Variants in CYLD observed in about 807,000 individuals in gnomAD.
CYLD encodes the protein ubiquitin carboxyl-terminal hydrolase CYLD.
In CYLD, 26 loss-of-function variants were observed where a neutral mutation model predicts 104.5. The observed-to-expected ratio is 0.25, with a 90% confidence interval of 0.18 to 0.35. The LOEUF is 0.35. Ranked by LOEUF, CYLD falls within the 10% of genes least tolerant of loss-of-function variation. The pLI is 1.00. For synonymous variants in CYLD, 385 were observed against 399.9 expected (o/e 0.96, Z 0.45); for missense variants, 703 against 1,136.1 (o/e 0.62, Z 5.48).
rs919679368 is a variant in CYLD at position 50,780,061 on chromosome 16, C to G, written c.1518+17C>G. On this transcript the variant is annotated intron_variant, in intron 9 of 18. Transcript: ENST00000427738. ...CTGGAACTGGTAATTTAACTTGACC[C>G]AAAAATTTCAATTTTTTTCTCTGTG... The G allele has an allele frequency of 6.2e-7, 1 of 1,613,430 alleles. No individual in the cohort carries two copies. Among genetic ancestry groups the G allele is most frequent in the Non-Finnish European group, 8.5e-7 (1 of 1,179,880 alleles).
Position 50,787,820 on chromosome 16 carries a change from T to C in CYLD, c.2076T>C (p.His692=), listed in dbSNP as rs973806298. The C allele has an allele frequency of 6.4e-7, 1 of 1,557,608 alleles. No homozygotes were observed. The highest frequency in any genetic ancestry group is 2.3e-5 in the East Asian group (1 of 44,336). ...PEEFLNILFH[H]ILRVEPLLKI... ...AATTCTTGAATATTCTGTTTCATCA[T>C]ATTTTAAGGGTAGAACCTTTGCTAA... Residue 692 remains histidine (H), a synonymous_variant, in exon 14 of 19, where the codon CAT becomes CAC. Coordinates refer to ENST00000427738, the MANE Select transcript of CYLD (RefSeq NM_001378743.1).
In CYLD at chr16:50,794,147, T is replaced by C; in HGVS notation, c.2470-65T>C. On this transcript the variant is annotated intron_variant, in intron 17 of 18. Coordinates refer to ENST00000427738, the MANE Select transcript of CYLD (RefSeq NM_001378743.1). This position sits in a 1 kb window ranked among gnomAD's most constrained non-coding sequence, Gnocchi z 4.1. ...TTCACCATCTTGATCAGGCTGGTCT[T>C]GAACTCCTGACCTCGTGATCCACCA... 1 of 1,435,040 alleles carries C rather than the reference T, an allele frequency of 7.0e-7. No homozygotes were observed. Among genetic ancestry groups the C allele is most frequent in the East Asian group, 2.3e-5 (1 of 44,008 alleles). 88.9% of individuals were successfully genotyped at this position (1,435,040 alleles called of 1,614,324 possible).
At chr16:50,750,302 A>C in intron 3 of CYLD, 100 bp downstream of exon 3, 1 of 1,372,468 alleles carries the variant, frequency 7.3e-7, no homozygotes, top group Non-Finnish European at 1.0e-6. Context: ...ATACGAAATA[A>C]ATTTTCCCAA....
At position 50,795,476 on chromosome 16, in the gene CYLD, G is replaced by T; in HGVS notation, c.2687-848G>T. ...TACCTATAAGGAGTTTGCAGGTTAA[G>T]ACCAGGCCTGGGCAAGGTTGTGAGG... On this transcript the variant is annotated intron_variant, in intron 18 of 18. Transcript: ENST00000427738. 4.3e-6 allele frequency: 3 copies of T among 698,872 alleles called. No homozygotes were observed. The South Asian group carries it at 4.5e-5, about 10-fold the overall frequency. The allele number at this position is 698,872 out of a possible 1,614,324, so 43.3% of individuals were successfully genotyped here.
At chr16:50,777,762 T>TA (rs572862017) in intron 7 of CYLD, 63 bp from the exon 8 acceptor site, 630 of 830,488 alleles carry the variant, frequency 7.6e-4, no homozygotes, top group Middle Eastern at 1.0e-3. Flanking sequence ...TTTCTCTTAC[T>TA]AAAAAAAAAC....
In CYLD at chr16:50,779,968, A is replaced by G; in HGVS notation, c.1442A>G (p.Asn481Ser). The G allele has an allele frequency of 1.2e-6, 2 of 1,614,080 alleles. No homozygotes were observed. The highest frequency in any genetic ancestry group is 1.7e-6 in the Non-Finnish European group (2 of 1,179,962). The part of the protein sequence containing the change: ...EVGSLAEVKE[N>S]PPFYGVIRWI... The stretch of plus-strand genomic sequence containing the variant: ...GGCTCATTGGCTGAAGTTAAGGAGA[A>G]CCCTCCTTTCTATGGGGTAATCCGT... The change falls in exon 9 of 19, where the codon AAC (asparagine) becomes AGC (serine). Residue 481 changes from asparagine to serine, a missense_variant. This residue lies in a region of CYLD where 183 missense variants were observed against 212.1 expected (regional missense o/e 0.86). Transcript: ENST00000427738.
Position 50,793,650 on chromosome 16 carries a change from A to G in CYLD, c.2455A>G (p.Thr819Ala). The G allele has an allele frequency of 6.2e-7, 1 of 1,609,080 alleles. No individual in the cohort carries two copies. Among genetic ancestry groups the G allele is most frequent in the Non-Finnish European group, 8.5e-7 (1 of 1,175,430 alleles). Residue 819 changes from threonine (T) to alanine (A), a missense_variant, in exon 17 of 19, where the codon ACC (threonine) becomes GCC (alanine). Physicochemically the swap from Thr to Ala is moderately conservative, Grantham distance 58. Around this residue, in one of 5 missense-constraint regions of CYLD, gnomAD observed 130 missense variants for 220.2 expected, o/e 0.59. Transcript: ENST00000427738. ...TGGAAAAATCAAGCAGTTTTGTAAAACCTGCAACACTCAAGTGAGCTTCCC... is the reference window on the plus strand; with the variant it reads ...TGGAAAAATCAAGCAGTTTTGTAAAGCCTGCAACACTCAAGTGAGCTTCCC... ...SAGKIKQFCK[T>A]CNTQVHLHPK... is the part of the protein sequence containing the mutation.
chr16:50,787,104 C>T, intron 13 of CYLD, 158 bp downstream of exon 13: 1 of 663,928 alleles, frequency 1.5e-6, no homozygotes, highest in Middle Eastern at 4.1e-4. Flanking sequence ...TTTGTAAATT[C>T]TTCCTCTCTT....
intron 18 of CYLD, among the ~76,000 whole-genome samples, chr16:50,796,031 T>C (rs1399479022): frequency 6.6e-6 from 1 of 152,170 alleles, no homozygotes; most frequent in Non-Finnish European, 1.5e-5. Flanking sequence ...GTCGTCTACA[T>C]ATGTATTGAT....
intron 12 of CYLD, chr16:50,786,092 A>T (rs1359464918): frequency 6.6e-6 from 1 of 152,194 alleles, no homozygotes; most frequent in African/African-American, 2.4e-5. Context: ...GAAGAGAGAA[A>T]ATGTCATCAT....
rs16948836 is a variant in CYLD at position 50,800,247 on chromosome 16, C to T, written c.*3739C>T. The T allele has an allele frequency of 4.3e-6, 1 of 233,108 alleles. No homozygotes were observed. Among genetic ancestry groups the T allele is most frequent in the Non-Finnish European group, 8.5e-6 (1 of 117,980 alleles). 14.4% of individuals were successfully genotyped at this position (233,108 alleles called of 1,614,324 possible). Reference sequence around the variant, plus strand: ...GCCATGCCTGCTGAATCCGACTGTTCAGGAAGAGGCCTAGGAAATCTGTGA... The same window carrying T: ...GCCATGCCTGCTGAATCCGACTGTTTAGGAAGAGGCCTAGGAAATCTGTGA... On this transcript the variant is annotated 3_prime_UTR_variant, in exon 19 of 19. Coordinates refer to ENST00000427738, the MANE Select transcript of CYLD (RefSeq NM_001378743.1).
At chr16:50,778,438 G>C (rs1245769386) in intron 8 of CYLD, 2 of 158,004 alleles carry the variant, frequency 1.3e-5, no homozygotes, top group Non-Finnish European at 2.8e-5. Flanking sequence ...ATAGAAATTA[G>C]TCAAACAACC....
chr16:50,745,770 A>G (rs1485400538), intron 2 of CYLD, among the ~76,000 whole-genome samples: 1 of 152,110 alleles, frequency 6.6e-6, no homozygotes, highest in East Asian at 1.9e-4. Context: ...CGTAAAAAAT[A>G]CCAAACTAAC....
rs1049175860 is a variant in CYLD at position 50,799,914 on chromosome 16, A to T, written c.*3406A>T. ...ATCGGACACTTACTAGGTGCCTAGG[A>T]TTGTATCAGAGGGAATATGAAATGT... On this transcript the variant is annotated 3_prime_UTR_variant, in exon 19 of 19. Coordinates refer to ENST00000427738, the MANE Select transcript of CYLD (RefSeq NM_001378743.1). 8.6e-6 allele frequency: 2 copies of T among 232,890 alleles called. No homozygotes were observed. The highest frequency in any genetic ancestry group is 1.7e-5 in the Non-Finnish European group (2 of 117,944). 14.4% of individuals were successfully genotyped at this position (232,890 alleles called of 1,614,324 possible). A position where few individuals can be genotyped will look rare whatever the true frequency, so the allele number is the denominator to read the frequency against.
chr16:50,746,407 C>T (rs370229956), intron 2 of CYLD, among the ~76,000 whole-genome samples: 1 of 152,186 alleles, frequency 6.6e-6, no homozygotes, highest in African/African-American at 2.4e-5. Context: ...GTTTCCCATT[C>T]AACTTTCTCT....
rs748716852 is a variant in CYLD at position 50,801,038 on chromosome 16, G to T, written c.*4530G>T. The T allele has an allele frequency of 3.2e-4, 74 of 233,426 alleles. No individual in the cohort carries two copies. The highest frequency in any genetic ancestry group is 5.3e-4 in the Non-Finnish European group (63 of 118,144). The allele number at this position is 233,426 out of a possible 1,614,324, so 14.5% of individuals were successfully genotyped here. A position where few individuals can be genotyped will look rare whatever the true frequency, so the allele number is the denominator to read the frequency against. On this transcript the variant is annotated 3_prime_UTR_variant, in exon 19 of 19. Transcript: ENST00000427738. ...ATTGCCCCTCTTGACAGAGACTAGG[G>T]TTTTAGACTGAGGCTTCCTGCAGGG... is the stretch of plus-strand genomic sequence containing the variant.
At chr16:50,788,518 A>C (rs1031963617) in intron 14 of CYLD, among the ~76,000 whole-genome samples, 2 of 152,116 alleles carry the variant, frequency 1.3e-5, no homozygotes, top group Non-Finnish European at 2.9e-5. Context: ...TCTTAAAGTG[A>C]TATTGTTTGA....
rs552050344 is a variant in CYLD, at chr16:50,799,385, A to G, written c.*2877A>G. The stretch of plus-strand genomic sequence containing the variant: ...TACATAGAGAGGCTAAATGTGTCCC[A>G]TCCCTCACTGTCAGCTTTATAAAGG... On this transcript the variant is annotated 3_prime_UTR_variant, in exon 19 of 19. Coordinates refer to ENST00000427738, the MANE Select transcript of CYLD (RefSeq NM_001378743.1). The G allele has an allele frequency of 4.3e-6, 1 of 233,740 alleles. No individual in the cohort carries two copies. The highest frequency in any genetic ancestry group is 6.0e-5 in the East Asian group (1 of 16,694). The allele number at this position is 233,740 out of a possible 1,614,324, so 14.5% of individuals were successfully genotyped here.
At chr16:50,766,556 G>C (rs113871903) in intron 5 of CYLD, among the ~76,000 whole-genome samples, 1,771 of 152,298 alleles carry the variant, frequency 0.012, 36 homozygotes, top group African/African-American at 0.04. Context: ...GGCTGCCATA[G>C]ATCAGGATTC....
Sources: allele counts gnomAD v4.1 joint callset (sites outside exome capture counted in the v4.1 genomes callset), GRCh38; gene constraint gnomAD v4.1.1; regional missense constraint gnomAD v4.1.1; non-coding constraint Gnocchi (gnomAD v3.1); transcripts MANE v1.5; gene names NCBI Gene and HGNC (gene_info 2026-07-23, HGNC 2026-07-21).